Variants in ATPAF2 observed in about 807,000 individuals in gnomAD.
ATPAF2 encodes ATP12 homolog.
In ATPAF2, 30 loss-of-function variants were observed where a neutral mutation model predicts 36.6. That is an observed-to-expected ratio of 0.82 (90% CI 0.61 to 1.11). The LOEUF (loss-of-function observed/expected upper bound fraction) is 1.11, where lower values mean the gene tolerates loss of function less well. ATPAF2 is among the 50% of genes most tolerant of loss of function. The probability of loss-of-function intolerance (pLI) is 0.00; values close to 1 mark genes in which losing one functional copy is unlikely to be tolerated. For synonymous variants in ATPAF2, 140 were observed against 152.6 expected, an observed-to-expected ratio of 0.92 and a Z score of 0.61; for missense variants, 321 against 372.3, an observed-to-expected ratio of 0.86 and a Z score of 1.13.
intron 7 of ATPAF2, among the ~76,000 whole-genome samples, chr17:18,019,177 A>ACACACACACACACACAC: frequency 6.6e-6 from 1 of 151,454 alleles, no homozygotes; most frequent in East Asian, 2.0e-4. Context: ...ACACACACAC[A>ACACACACACACACACAC]CACACACACC....
chr17:18,025,320 T>C (rs1473793785), intron 4 of ATPAF2: 1 of 164,928 alleles, frequency 6.1e-6, no homozygotes, highest in African/African-American at 2.4e-5. Context: ...GGTCAGGCTG[T>C]GCCATTTGTT....
intron 4 of ATPAF2, among the ~76,000 whole-genome samples, chr17:18,025,816 C>G (rs1267440787): frequency 6.6e-6 from 1 of 152,214 alleles, no homozygotes; most frequent in East Asian, 1.9e-4. Flanking sequence ...GATCCTAGAG[C>G]ACTTGGGCTA....
intron 3 of ATPAF2, among the ~76,000 whole-genome samples, chr17:18,027,492 C>A (rs376714719): frequency 1.8e-4 from 28 of 152,164 alleles, no homozygotes; most frequent in African/African-American, 6.5e-4. Context: ...CTTGCATCAT[C>A]TCATCTCATC....
At chr17:18,028,147 G>T in intron 3 of ATPAF2, 85 bp downstream of exon 3, 1 of 1,554,030 alleles carries the variant, frequency 6.4e-7, no homozygotes, top group Admixed American at 1.7e-5. Flanking sequence ...CAGCCCCCAG[G>T]GCCTTGTCGG....
intron 4 of ATPAF2, 26 bp downstream of exon 4, chr17:18,026,293 G>A (rs372621607): frequency 3.8e-6 from 6 of 1,590,354 alleles, no homozygotes; most frequent in Non-Finnish European, 5.2e-6. Flanking sequence ...CAATCCAAGG[G>A]GAATGCCCAT....
intron 2 of ATPAF2, 40 bp downstream of exon 2, chr17:18,028,570 CAAAAA>C (rs10652393): frequency 5.6e-5 from 76 of 1,350,608 alleles, no homozygotes; most frequent in Non-Finnish European, 6.4e-5. Context: ...CAACCATTCA[CAAAAA>C]AAAAAAAAAA....
chr17:18,021,870 G>A lies in ATPAF2; in HGVS notation c.504-13C>T. 6.2e-7 allele frequency: 1 copy of A among 1,611,288 alleles called. No homozygotes were observed. The highest frequency in any genetic ancestry group is 8.5e-7 in the Non-Finnish European group (1 of 1,177,508). On this transcript the variant is annotated splice_polypyrimidine_tract_variant and intron_variant, in intron 5 of 7. Transcript: ENST00000474627. ...CTCCACGCCGTATCTGAAAGGAAAA[G>A]GGCTTCGGCATGTCTCTGTCATGCT...
intron 1 of ATPAF2, among the ~76,000 whole-genome samples, chr17:18,029,410 C>T (rs2044595280): frequency 6.6e-6 from 1 of 152,218 alleles, no homozygotes; most frequent in African/African-American, 2.4e-5. Context: ...TAAGCTATAA[C>T]TCAGTCTCTC....
At chr17:18,023,019 T>C (rs1168778078) in intron 5 of ATPAF2, among the ~76,000 whole-genome samples, 1 of 150,856 alleles carries the variant, frequency 6.6e-6, no homozygotes, top group Non-Finnish European at 1.5e-5. Context: ...TCCCAGCTAC[T>C]TGGGAGGCTG....
intron 3 of ATPAF2, 157 bp downstream of exon 3, chr17:18,028,075 G>C: frequency 1.2e-6 from 1 of 855,422 alleles, no homozygotes; most frequent in South Asian, 1.4e-5. Context: ...GACAAGGAAA[G>C]AGTTTAGCAC....
intron 5 of ATPAF2, among the ~76,000 whole-genome samples, chr17:18,022,484 C>T (rs1011443335): frequency 2.6e-5 from 4 of 151,956 alleles, no homozygotes; most frequent in African/African-American, 7.3e-5. Context: ...CCATGTTGCT[C>T]GAGCTGGTCT....
In ATPAF2 at chr17:18,028,299, A is replaced by G; in HGVS notation, c.257T>C (p.Leu86Pro). 1 of 1,614,214 alleles carries G rather than the reference A, an allele frequency of 6.2e-7. No individual in the cohort carries two copies. The change falls in exon 3 of 8, where the codon CTG (leucine) becomes CCG (proline). Residue 86 changes from leucine to proline, a missense_variant. Leu to Pro is a moderately conservative substitution (Grantham distance 98). Coordinates refer to ENST00000474627, the MANE Select transcript of ATPAF2 (RefSeq NM_145691.4). ...AKLFTVPSEA[L>P]AIAVATEWDS... is the part of the protein sequence containing the mutation. ...CCACTCAGTAGCCACTGCAATGGCC[A>G]GGGCCTCGCTGGGGACGGTAAAGAG...
At chr17:18,024,758 CAGTGAT>C (rs1298517835) in intron 4 of ATPAF2, 54 bp from the exon 5 acceptor site, 2 of 1,494,572 alleles carry the variant, frequency 1.3e-6, no homozygotes, top group African/African-American at 1.4e-5. Context: ...TTCCTTCATT[CAGTGAT>C]AGAAAAGGAA....
intron 1 of ATPAF2, among the ~76,000 whole-genome samples, chr17:18,029,581 T>G (rs546268631): frequency 8.6e-5 from 13 of 151,984 alleles, no homozygotes; most frequent in Admixed American, 1.3e-4. Flanking sequence ...TTTGCTTTAT[T>G]TATTTATTTT....
rs747805059 is a variant in ATPAF2, at chr17:18,036,971, T to C, written c.133+1910A>G. 1.8e-4 allele frequency among the ~76,000 whole-genome samples: 27 copies of C among 152,162 alleles called. No individual in the cohort carries two copies. In the East Asian group the frequency reaches 3.1e-3, roughly 18 times the overall value. On this transcript the variant is annotated intron_variant, in intron 1 of 7. Coordinates refer to ENST00000474627, the MANE Select transcript of ATPAF2 (RefSeq NM_145691.4). ...CTGTAATCCCAGCTACTTGGGAGGCTGAGGCAGGAGAATTGCTTGAATCTG... is the reference window on the plus strand; with the variant it reads ...CTGTAATCCCAGCTACTTGGGAGGCCGAGGCAGGAGAATTGCTTGAATCTG...
chr17:18,016,193 A>G (rs1284399301), downstream of ATPAF2: 6 of 1,613,468 alleles, frequency 3.7e-6, no homozygotes, highest in African/African-American at 8.0e-5. Flanking sequence ...TTTAATAGAC[A>G]GGGTGAGTCA....
At chr17:18,025,964 T>C (rs369906572) in intron 4 of ATPAF2, 1 of 400,104 alleles carries the variant, frequency 2.5e-6, no homozygotes, top group Admixed American at 3.6e-5. Flanking sequence ...GCATCCATAG[T>C]GCCAAGGATG....
chr17:18,018,278 A>G lies in ATPAF2; in HGVS notation c.*271T>C, dbSNP rs1156894919. 7 of 514,262 alleles carry G rather than the reference A, an allele frequency of 1.4e-5. No homozygotes were observed. Among genetic ancestry groups the G allele is most frequent in the Non-Finnish European group, 2.5e-5 (7 of 282,768 alleles). 31.9% of individuals were successfully genotyped at this position (514,262 alleles called of 1,614,324 possible). A position where few individuals can be genotyped will look rare whatever the true frequency, so the allele number is the denominator to read the frequency against. ...CTCAGCACATTTCCAGGGTGGAGAAATATTTAATAAAATCAGAGTCGAGAG... is the reference window on the plus strand; with the variant it reads ...CTCAGCACATTTCCAGGGTGGAGAAGTATTTAATAAAATCAGAGTCGAGAG... On this transcript the variant is annotated 3_prime_UTR_variant, in exon 8 of 8. Transcript: ENST00000474627.
chr17:18,023,511 T>C (rs2145492568), intron 5 of ATPAF2, among the ~76,000 whole-genome samples: 1 of 152,350 alleles, frequency 6.6e-6, no homozygotes, highest in Non-Finnish European at 1.5e-5. Flanking sequence ...TTCTATAAAC[T>C]CTTAAGGATG....
Sources: gnomAD v4.1 joint callset for allele counts (sites outside exome capture counted in the v4.1 genomes callset) on GRCh38, gnomAD v4.1.1 for gene constraint, MANE v1.5 for transcripts, NCBI Gene and HGNC (gene_info 2026-07-23, HGNC 2026-07-21) for gene names.